Variants in AKAP12 observed in about 807,000 individuals in gnomAD.
AKAP12 encodes the protein A-kinase anchor protein 12.
AKAP12 carries 32 observed loss-of-function variants against 79.9 expected under a neutral mutation model. The observed-to-expected ratio is 0.40, with a 90% confidence interval of 0.30 to 0.54. AKAP12 has a LOEUF of 0.54. Ranked by LOEUF, AKAP12 falls within the 20% of genes least tolerant of loss-of-function variation. The probability of loss-of-function intolerance (pLI) is 0.48; values close to 1 mark genes in which losing one functional copy is unlikely to be tolerated. For synonymous variants in AKAP12, 808 were observed against 857.0 expected (o/e 0.94, Z 1.00); for missense variants, 2,074 against 2,177.0 (o/e 0.95, Z 0.94).
intron 2 of AKAP12, among the ~76,000 whole-genome samples, chr6:151,290,020 G>A (rs948614322): frequency 3.3e-5 from 5 of 152,188 alleles, no homozygotes; most frequent in African/African-American, 9.7e-5. Flanking sequence ...AGAAGGTAAC[G>A]CATCCGATGG....
At chr6:151,307,375 C>T (rs993073878) in intron 3 of AKAP12, among the ~76,000 whole-genome samples, 1 of 152,144 alleles carries the variant, frequency 6.6e-6, no homozygotes, top group Admixed American at 6.5e-5. Flanking sequence ...AACAGCCTAG[C>T]CCCTGCAAAG....
intron 3 of AKAP12, chr6:151,341,666 C>T (rs567547404): frequency 2.6e-6 from 3 of 1,161,662 alleles, no homozygotes; most frequent in Non-Finnish European, 3.2e-6. Context: ...CGCGCCATGC[C>T]CTGGTGGAGT....
rs745854207 is a variant in AKAP12 at position 151,353,454 on chromosome 6, T to G, written c.5063T>G (p.Ile1688Arg). 1 of 1,614,122 alleles carries G rather than the reference T, an allele frequency of 6.2e-7. No individual in the cohort carries two copies. The highest frequency in any genetic ancestry group is 2.2e-5 in the East Asian group (1 of 44,886). Reference protein sequence around the residue: ...DDGHALLAERIEKSLVEPKED... With the variant: ...DDGHALLAERREKSLVEPKED... The stretch of plus-strand genomic sequence containing the variant: ...GGTCATGCCTTGTTAGCAGAAAGAA[T>G]AGAGAAGTCACTAGTTGAACCGAAA... Residue 1688 changes from isoleucine to arginine, a missense_variant, in exon 4 of 5, where the codon ATA becomes AGA. Around this residue, in one of 3 missense-constraint regions of AKAP12, gnomAD observed 614 missense variants for 665.6 expected, o/e 0.92. Transcript: ENST00000402676.
chr6:151,341,768 T>C (rs1484667752), intron 3 of AKAP12: 9 of 1,287,302 alleles, frequency 7.0e-6, no homozygotes, highest in Non-Finnish European at 8.1e-6. Context: ...AACTGTCCCT[T>C]AGGACCGGCC....
intron 3 of AKAP12, among the ~76,000 whole-genome samples, chr6:151,346,871 TTATATC>T (rs1778114048): frequency 6.6e-6 from 1 of 152,222 alleles, no homozygotes; most frequent in African/African-American, 2.4e-5. Context: ...AAAGTGGAAG[TTATATC>T]TATATTTATT....
In AKAP12 at chr6:151,350,466, C is replaced by T. The variant is rs1315903432; in HGVS notation, c.2075C>T (p.Ala692Val). Residue 692 changes from alanine to valine, a missense_variant, in exon 4 of 5, where the codon GCA becomes GTA. Physicochemically the swap from Ala to Val is moderately conservative, Grantham distance 64. Transcript: ENST00000402676. The surrounding 1 kb of genome is among the most constrained non-coding windows in gnomAD (Gnocchi z 4.8). ...LICVGSSKKR[A>V]RRGSSSDEEG... The stretch of plus-strand genomic sequence containing the variant: ...TGTGTGGGATCATCCAAGAAAAGAG[C>T]AAGGAGAGGGTCCTCTTCTGATGAG... 2 of 1,613,878 alleles carry T rather than the reference C, an allele frequency of 1.2e-6. No homozygotes were observed. The highest frequency in any genetic ancestry group is 8.5e-7 in the Non-Finnish European group (1 of 1,180,020).
intron 3 of AKAP12, chr6:151,324,940 T>C (rs967127840): frequency 5.2e-5 from 51 of 985,338 alleles, no homozygotes; most frequent in Admixed American, 1.2e-4. Flanking sequence ...GTTAGAGATA[T>C]GATAGTGTCT....
At chr6:151,259,579 CTTT>C (rs35514304) in intron 2 of AKAP12, among the ~76,000 whole-genome samples, 52 of 102,814 alleles carry the variant, frequency 5.1e-4, no homozygotes, top group Non-Finnish European at 5.6e-4. Flanking sequence ...CCTTTTTTTC[CTTT>C]TTTTTTTTTT....
intron 3 of AKAP12, among the ~76,000 whole-genome samples, chr6:151,347,375 T>C (rs1042104453): frequency 5.3e-5 from 8 of 152,270 alleles, no homozygotes; most frequent in African/African-American, 1.4e-4. Flanking sequence ...CTTTAGCTTG[T>C]TCCTCAAACC....
rs201543887 is a variant in AKAP12 at position 151,300,086 on chromosome 6, A to AT, written c.163-5653dup. On this transcript the variant is annotated intron_variant, in intron 2 of 4. Transcript: ENST00000402676. ...TTTACTGATTTGTACTCTGGTTTTT[A>AT]TTTTTTTTGTTTGACATTTTTAAAG... 3.0e-3 allele frequency among the ~76,000 whole-genome samples: 463 copies of AT among 151,842 alleles called. 1 individual carries two copies. Among genetic ancestry groups the AT allele is most frequent in the African/African-American group, 0.011 (438 of 41,422 alleles).
intron 3 of AKAP12, among the ~76,000 whole-genome samples, chr6:151,318,420 C>A (rs1209261105): frequency 6.6e-6 from 1 of 152,166 alleles, no homozygotes; most frequent in Non-Finnish European, 1.5e-5. Context: ...TAATCAAGTC[C>A]ATTTCTGTTG....
At position 151,358,032 on chromosome 6, in the gene AKAP12, C is replaced by T. The variant is rs1481662417; in HGVS notation, c.*2318C>T. 6.6e-6 allele frequency: 1 copy of T among 152,056 alleles called. No individual in the cohort carries two copies. Among genetic ancestry groups the T allele is most frequent in the African/African-American group, 2.4e-5 (1 of 41,382 alleles). 9.4% of individuals were successfully genotyped at this position (152,056 alleles called of 1,614,324 possible). A position where few individuals can be genotyped will look rare whatever the true frequency, so the allele number is the denominator to read the frequency against. On this transcript the variant is annotated 3_prime_UTR_variant, in exon 5 of 5. Transcript: ENST00000402676. ...TGCTTTTTGTACTATCTGGATGTGCCCAGAGTTACTTCTGTACAAGCTCTG... is the reference window on the plus strand; with the variant it reads ...TGCTTTTTGTACTATCTGGATGTGCTCAGAGTTACTTCTGTACAAGCTCTG...
At chr6:151,345,265 C>T (rs956721294) in intron 3 of AKAP12, among the ~76,000 whole-genome samples, 3 of 151,262 alleles carry the variant, frequency 2.0e-5, no homozygotes, top group African/African-American at 2.4e-5. Context: ...TTAGTAGAGA[C>T]GGGGTTTCAC....
At chr6:151,270,149 T>G (rs2881508) in intron 2 of AKAP12, among the ~76,000 whole-genome samples, 1 of 151,902 alleles carries the variant, frequency 6.6e-6, no homozygotes, top group Non-Finnish European at 1.5e-5. Context: ...CTCCGCCTCC[T>G]GGGTTCAAGT....
chr6:151,260,668 G>A (rs1195386839), intron 2 of AKAP12, among the ~76,000 whole-genome samples: 1 of 152,182 alleles, frequency 6.6e-6, no homozygotes, highest in Non-Finnish European at 1.5e-5. Flanking sequence ...GATGCAGATC[G>A]TACGTCTGAA....
chr6:151,254,967 G>T (rs866784523), intron 2 of AKAP12, among the ~76,000 whole-genome samples: 2 of 152,128 alleles, frequency 1.3e-5, no homozygotes, highest in Admixed American at 6.6e-5. Flanking sequence ...CAGTCCCTGT[G>T]ATCTTCAGAA....
intron 2 of AKAP12, among the ~76,000 whole-genome samples, chr6:151,290,705 A>G (rs1240332107): frequency 6.6e-6 from 1 of 151,814 alleles, no homozygotes; most frequent in Admixed American, 6.6e-5. Context: ...TCCCAGGTTC[A>G]AGCGATTCTT....
chr6:151,301,019 G>A (rs888549339), intron 2 of AKAP12, among the ~76,000 whole-genome samples: 2 of 152,130 alleles, frequency 1.3e-5, no homozygotes, highest in Non-Finnish European at 2.9e-5. Context: ...GCTTCGGAGT[G>A]GAAAAAGTGA....
chr6:151,300,323 G>A (rs1776834711), intron 2 of AKAP12, among the ~76,000 whole-genome samples: 1 of 152,164 alleles, frequency 6.6e-6, no homozygotes, highest in South Asian at 2.1e-4. Flanking sequence ...ACTGCCCGGG[G>A]TGGGACGAAT....
Sources: allele counts gnomAD v4.1 joint callset (sites outside exome capture counted in the v4.1 genomes callset), GRCh38; gene constraint gnomAD v4.1.1; regional missense constraint gnomAD v4.1.1; non-coding constraint Gnocchi (gnomAD v3.1); transcripts MANE v1.5; gene names NCBI Gene and HGNC (gene_info 2026-07-23, HGNC 2026-07-21).